WAPL: variants seen among roughly 807,000 people sequenced by gnomAD.
WAPL encodes wings apart-like protein homolog.
A neutral mutation model predicts 121.0 loss-of-function variants in WAPL; 5 were observed. The observed-to-expected ratio is 0.04, with a 90% confidence interval of 0.02 to 0.09. The LOEUF is 0.09. Ranked by LOEUF, WAPL falls within the 10% of genes least tolerant of loss-of-function variation. The pLI is 1.00. For missense variants in WAPL, 999 were observed against 1,410.8 expected, an observed-to-expected ratio of 0.71 and a Z score of 4.68; for synonymous variants, 480 against 481.5, an observed-to-expected ratio of 1.00 and a Z score of 0.04.
chr10:86,439,474 T>C (rs1849408648), intron 17 of WAPL, among the ~76,000 whole-genome samples: 1 of 152,182 alleles, frequency 6.6e-6, no homozygotes, highest in South Asian at 2.1e-4. Context: ...AATCAAACCC[T>C]TCTCTATCAA....
intron 10 of WAPL, 81 bp from the exon 11 acceptor site, chr10:86,460,577 C>T: frequency 9.3e-7 from 1 of 1,079,618 alleles, no homozygotes; most frequent in Non-Finnish European, 1.4e-6. Context: ...CATTAGAAGC[C>T]ATCTGTACAC....
intron 9 of WAPL, among the ~76,000 whole-genome samples, chr10:86,463,150 G>T (rs535341138): frequency 6.6e-6 from 1 of 152,196 alleles, no homozygotes; most frequent in East Asian, 1.9e-4. Flanking sequence ...GGAACAGGCC[G>T]CAAGATGGCT....
intron 4 of WAPL, among the ~76,000 whole-genome samples, chr10:86,483,838 A>G (rs1464352993): frequency 3.9e-5 from 4 of 102,108 alleles, no homozygotes; most frequent in Non-Finnish European, 7.0e-5. Flanking sequence ...TCTGTTGCCC[A>G]GGCTGGAGTA....
In WAPL at chr10:86,497,255, T is replaced by C; in HGVS notation, c.1590A>G (p.Lys530=). The change falls in exon 4 of 19, where the codon AAA becomes AAG. Residue 530 remains lysine, a synonymous_variant. Coordinates refer to ENST00000298767, the MANE Select transcript of WAPL (RefSeq NM_015045.5). ...TATTTTCCTTTGATTTATCTCCTTG[T>C]TTATTTATGGGCTTCTTCACACTTT... is the stretch of plus-strand genomic sequence containing the variant. ...VPESVKKPIN[K]QGDKSKENTR... is the part of the protein sequence containing the mutation. 6.2e-7 allele frequency: 1 copy of C among 1,613,448 alleles called. No homozygotes were observed. The highest frequency in any genetic ancestry group is 8.5e-7 in the Non-Finnish European group (1 of 1,179,840).
intron 2 of WAPL, among the ~76,000 whole-genome samples, chr10:86,517,213 C>A (rs1292741103): frequency 6.6e-6 from 1 of 152,162 alleles, no homozygotes; most frequent in African/African-American, 2.4e-5. Flanking sequence ...TTTAAATACT[C>A]ATCTCATTTT....
At chr10:86,467,158 G>T in intron 9 of WAPL, 121 bp downstream of exon 9, 1 of 846,872 alleles carries the variant, frequency 1.2e-6, no homozygotes, top group Non-Finnish European at 1.8e-6. Flanking sequence ...TAAGAAATTT[G>T]CCAAACTGTA....
chr10:86,483,575 T>G (rs981695999), intron 4 of WAPL, among the ~76,000 whole-genome samples: 10 of 151,964 alleles, frequency 6.6e-5, no homozygotes, highest in African/African-American at 2.4e-4. Flanking sequence ...AAAAAAAAGT[T>G]CATTGTAAAA....
chr10:86,503,864 G>T (rs1208793998), intron 2 of WAPL, among the ~76,000 whole-genome samples: 1 of 152,168 alleles, frequency 6.6e-6, no homozygotes, highest in African/African-American at 2.4e-5. Flanking sequence ...TAAGTCCAAT[G>T]TCCCAGTAGA....
chr10:86,511,172 G>A (rs1277931931), intron 2 of WAPL, among the ~76,000 whole-genome samples: 1 of 152,150 alleles, frequency 6.6e-6, no homozygotes, highest in Non-Finnish European at 1.5e-5. Flanking sequence ...CAGGTGGCAT[G>A]CCTGTAATCC....
At chr10:86,495,367 T>G (rs1330789224) in intron 4 of WAPL, among the ~76,000 whole-genome samples, 1 of 151,942 alleles carries the variant, frequency 6.6e-6, no homozygotes, top group Non-Finnish European at 1.5e-5. Context: ...TTTAGGAGTC[T>G]GAGGTGGGAG....
intron 1 of WAPL, among the ~76,000 whole-genome samples, chr10:86,518,948 T>G (rs1473976695): frequency 6.6e-6 from 1 of 152,240 alleles, no homozygotes; most frequent in Non-Finnish European, 1.5e-5. Flanking sequence ...AAACTATCCT[T>G]ATCCTATCTG....
chr10:86,515,774 T>C (rs760321259), intron 2 of WAPL, among the ~76,000 whole-genome samples: 2 of 151,342 alleles, frequency 1.3e-5, no homozygotes, highest in African/African-American at 4.9e-5. Context: ...ACAGCGAGAC[T>C]GTGTCTCAAA....
Position 86,461,188 on chromosome 10 carries a change from T to C in WAPL, c.2470A>G (p.Ile824Val). 1 of 1,612,146 alleles carries C rather than the reference T, an allele frequency of 6.2e-7. No homozygotes were observed. The highest frequency in any genetic ancestry group is 8.5e-7 in the Non-Finnish European group (1 of 1,178,700). Residue 824 changes from isoleucine (I) to valine (V), a missense_variant, in exon 10 of 19, where the codon ATT becomes GTT. Transcript: ENST00000298767. ...GTAAATATCATACCTTTATCTACAA[T>C]ATGATCCAGACCACCCAAAAGCCGG... ...ELRLLGGLDH[I>V]VDKVKECVDH...
At chr10:86,467,192 T>C in intron 9 of WAPL, 87 bp downstream of exon 9, 1 of 1,189,236 alleles carries the variant, frequency 8.4e-7, no homozygotes, top group South Asian at 1.4e-5. Flanking sequence ...ATTAAAATAA[T>C]TTGCCCACAG....
At chr10:86,480,091 A>C (rs932604660) in intron 4 of WAPL, among the ~76,000 whole-genome samples, 19 of 152,236 alleles carry the variant, frequency 1.2e-4, no homozygotes, top group African/African-American at 4.6e-4. Context: ...CTGTACTATC[A>C]AGAATTAGAA....
chr10:86,497,911 C>G (rs1181533237), intron 3 of WAPL, among the ~76,000 whole-genome samples: 1 of 152,164 alleles, frequency 6.6e-6, no homozygotes, highest in Admixed American at 6.5e-5. Flanking sequence ...TATTTCCCAA[C>G]TGGTTAAAAA....
rs899511895 is a variant in WAPL, at chr10:86,499,674, G to A, written c.1525+44C>T. The A allele has an allele frequency of 6.6e-6, 10 of 1,518,016 alleles. No homozygotes were observed. The East Asian group carries it at 2.3e-4, about 34-fold the overall frequency. 94.0% of individuals were successfully genotyped at this position (1,518,016 alleles called of 1,614,324 possible). On this transcript the variant is annotated intron_variant, in intron 3 of 18. Transcript: ENST00000298767. ...CCACAGAAAGTGAAACTGCAGGTAA[G>A]GGGGAACTATTGTACTTATTATACA...
intron 2 of WAPL, among the ~76,000 whole-genome samples, chr10:86,508,758 C>CTTTTTTTT (rs34530024): frequency 8.6e-6 from 1 of 116,784 alleles, no homozygotes; most frequent in African/African-American, 3.4e-5. Context: ...ATTGAAAGTT[C>CTTTTTTTT]TTTTTTTTTT....
chr10:86,516,128 A>C (rs1842550961), intron 2 of WAPL, among the ~76,000 whole-genome samples: 1 of 152,166 alleles, frequency 6.6e-6, no homozygotes, highest in South Asian at 2.1e-4. Context: ...TTGGCCTCCC[A>C]AAGTGCTGGG....
Sources: gnomAD v4.1 joint callset for allele counts (sites outside exome capture counted in the v4.1 genomes callset) on GRCh38, gnomAD v4.1.1 for gene constraint, MANE v1.5 for transcripts, NCBI Gene and HGNC (gene_info 2026-07-23, HGNC 2026-07-21) for gene names.